HSPA14: variants seen among roughly 807,000 people sequenced by gnomAD.
HSPA14 encodes heat shock 70 kDa protein 14.
A neutral mutation model predicts 65.5 loss-of-function variants in HSPA14; 37 were observed. The observed-to-expected ratio is 0.56, with a 90% CI of 0.43 to 0.74. The LOEUF is 0.74. Among genes scored for constraint, HSPA14 ranks in the 30% least tolerant of loss-of-function variants. The pLI, the probability that HSPA14 is intolerant of heterozygous loss-of-function variation, is 0.00. For synonymous variants in HSPA14, 203 were observed against 214.2 expected (o/e 0.95, Z 0.46); for missense variants, 564 against 607.6 (o/e 0.93, Z 0.75).
intron 8 of HSPA14, among the ~76,000 whole-genome samples, chr10:14,853,669 G>A (rs1369233774): frequency 6.6e-6 from 1 of 152,148 alleles, no homozygotes; most frequent in Non-Finnish European, 1.5e-5. Context: ...AGAGGGATTA[G>A]AAGAGAAATA....
At chr10:14,868,589 T>C (rs954207767) in intron 12 of HSPA14, among the ~76,000 whole-genome samples, 2 of 152,052 alleles carry the variant, frequency 1.3e-5, no homozygotes, top group African/African-American at 4.8e-5. Flanking sequence ...TCTGGGAGCA[T>C]GAGTGTGTGT....
At chr10:14,857,705 A>G (rs549266796) in intron 10 of HSPA14, among the ~76,000 whole-genome samples, 27 of 152,288 alleles carry the variant, frequency 1.8e-4, no homozygotes, top group African/African-American at 6.5e-4. Context: ...TGGTCCTGCT[A>G]GGGAGGAGGG....
intron 10 of HSPA14, among the ~76,000 whole-genome samples, chr10:14,857,206 G>GTT (rs754845818): frequency 4.6e-5 from 7 of 152,132 alleles, no homozygotes; most frequent in Non-Finnish European, 8.8e-5. Flanking sequence ...CATAGGTTGG[G>GTT]TTTTTTCCTC....
At chr10:14,845,667 C>A in intron 3 of HSPA14, 1 of 356,386 alleles carries the variant, frequency 2.8e-6, no homozygotes, top group Non-Finnish European at 3.9e-6. Context: ...AATCTTGGCT[C>A]ACTGCAACCT....
chr10:14,857,902 T>G (rs923911865), intron 10 of HSPA14, among the ~76,000 whole-genome samples: 1 of 151,820 alleles, frequency 6.6e-6, no homozygotes, highest in African/African-American at 2.4e-5. Flanking sequence ...GTATATATTT[T>G]GTTTTTTTTT....
chr10:14,843,458 G>A (rs1834000861), intron 3 of HSPA14: 1 of 1,550,566 alleles, frequency 6.4e-7, no homozygotes, highest in Middle Eastern at 1.7e-4. Context: ...CCCATGGCCA[G>A]ACTGGGTGTG....
At chr10:14,851,094 T>G in intron 6 of HSPA14, 125 bp from the exon 7 acceptor site, 1 of 630,470 alleles carries the variant, frequency 1.6e-6, no homozygotes, top group South Asian at 1.9e-5. Context: ...CTAAAGATCA[T>G]TATACTTCAT....
intron 6 of HSPA14, 36 bp from the exon 7 acceptor site, chr10:14,851,183 G>C (rs1327286164): frequency 1.8e-6 from 2 of 1,118,486 alleles, no homozygotes; most frequent in African/African-American, 3.1e-5. Flanking sequence ...TTGAACATGT[G>C]ATAAATTAAA....
rs1832812663 is a variant in HSPA14, at chr10:14,867,078, T to C, written c.994-5T>C. ...AAACAACTGAAAATTATTTTTATTC[T>C]CTAGGTTGTCCTTTGTGGAGGGTCT... On this transcript the variant is annotated splice_polypyrimidine_tract_variant and splice_region_variant and intron_variant, in intron 10 of 13. Transcript: ENST00000378372. The C allele has an allele frequency of 6.2e-7, 1 of 1,602,582 alleles. No homozygotes were observed. The highest frequency in any genetic ancestry group is 1.3e-5 in the African/African-American group (1 of 74,774).
At position 14,842,510 on chromosome 10, in the gene HSPA14, G is replaced by A. The variant is rs12770830; in HGVS notation, c.221+2353G>A. 0.086 allele frequency: 132,769 copies of A among 1,536,000 alleles called. 6,332 individuals carry two copies. The highest frequency in any genetic ancestry group is 0.13 in the Middle Eastern group (751 of 5,990). ...AGTTCTGAAGGCATTATATTTAAAGGCCTATGTTGCCCATGCCACAAGTAT... is the reference window on the plus strand; with the variant it reads ...AGTTCTGAAGGCATTATATTTAAAGACCTATGTTGCCCATGCCACAAGTAT... On this transcript the variant is annotated intron_variant, in intron 3 of 13. Transcript: ENST00000378372. This position sits in a 1 kb window ranked among gnomAD's most constrained non-coding sequence, Gnocchi z 5.2.
intron 3 of HSPA14, chr10:14,846,412 T>TA (rs1834053993): frequency 4.1e-6 from 4 of 985,154 alleles, no homozygotes; most frequent in Non-Finnish European, 4.8e-6. Context: ...ATTCAATGGG[T>TA]AAAGTAACCC....
intron 3 of HSPA14, among the ~76,000 whole-genome samples, chr10:14,843,187 T>C (rs781174257): frequency 6.6e-6 from 1 of 152,178 alleles, no homozygotes; most frequent in African/African-American, 2.4e-5. Flanking sequence ...GGAGAAGTTT[T>C]AGAGGTGAAA....
At chr10:14,868,701 G>A (rs975915481) in intron 12 of HSPA14, among the ~76,000 whole-genome samples, 5 of 152,016 alleles carry the variant, frequency 3.3e-5, no homozygotes, top group African/African-American at 1.2e-4. Context: ...CTTCACAGTA[G>A]GTAAATAAGT....
intron 10 of HSPA14, among the ~76,000 whole-genome samples, chr10:14,861,848 C>G (rs931221586): frequency 6.6e-6 from 1 of 151,702 alleles, no homozygotes; most frequent in African/African-American, 2.4e-5. Flanking sequence ...ACCGTCTCTA[C>G]TAAAACTACA....
At chr10:14,849,689 GTCA>G (rs770212582) in intron 5 of HSPA14, 29 bp from the exon 6 acceptor site, 3 of 1,440,914 alleles carry the variant, frequency 2.1e-6, no homozygotes, top group Admixed American at 3.9e-5. Context: ...ATTTTCTTCT[GTCA>G]TCAGAATTTT....
chr10:14,854,252 G>A lies in HSPA14; in HGVS notation c.862G>A (p.Gly288Ser). 2 of 1,608,340 alleles carry A rather than the reference G, an allele frequency of 1.2e-6. No individual in the cohort carries two copies. Among genetic ancestry groups the A allele is most frequent in the Non-Finnish European group, 1.7e-6 (2 of 1,178,496 alleles). ...ANCFLDSLYEGQDFDCNVSRA... is the reference protein window; with the variant it reads ...ANCFLDSLYESQDFDCNVSRA... ...CTGTTTTCTTGACTCATTATATGAA[G>A]GTCAAGATTTTGATTGCAATGTGTC... Residue 288 changes from glycine to serine, a missense_variant, in exon 9 of 14, where the codon GGT becomes AGT. Coordinates refer to ENST00000378372, the MANE Select transcript of HSPA14 (RefSeq NM_016299.4).
chr10:14,858,367 C>T (rs1014457262), intron 10 of HSPA14, among the ~76,000 whole-genome samples: 2 of 151,994 alleles, frequency 1.3e-5, no homozygotes. Context: ...TTAGAGATTC[C>T]CTCTTCAGAT....
At chr10:14,858,649 A>G (rs567047596) in intron 10 of HSPA14, among the ~76,000 whole-genome samples, 14 of 152,314 alleles carry the variant, frequency 9.2e-5, no homozygotes, top group Non-Finnish European at 1.9e-4. Context: ...AGTGGGTATG[A>G]CAGAGGGGCA....
At chr10:14,860,983 CAT>C (rs1367795500) in intron 10 of HSPA14, among the ~76,000 whole-genome samples, 1 of 152,134 alleles carries the variant, frequency 6.6e-6, no homozygotes, top group East Asian at 1.9e-4. Context: ...CAGGCAAAAA[CAT>C]ATCCTTAAGG....
Sources: gnomAD v4.1 joint callset for allele counts (sites outside exome capture counted in the v4.1 genomes callset) on GRCh38, gnomAD v4.1.1 for gene constraint, Gnocchi (gnomAD v3.1) non-coding constraint, MANE v1.5 for transcripts, NCBI Gene and HGNC (gene_info 2026-07-23, HGNC 2026-07-21) for gene names.